Variants in CBX5 observed in about 807,000 individuals in gnomAD.
The protein encoded by CBX5 is chromobox protein homolog 5.
CBX5 carries 7 observed loss-of-function variants against 20.7 expected under a neutral mutation model. That is an observed-to-expected ratio of 0.34 (90% CI 0.19 to 0.63). CBX5 has a LOEUF of 0.63. CBX5 is among the 30% of genes least tolerant of loss of function. The pLI is 0.75. For synonymous variants in CBX5, 78 were observed against 77.0 expected, an observed-to-expected ratio of 1.01 and a Z score of -0.07; for missense variants, 110 against 224.1, an observed-to-expected ratio of 0.49 and a Z score of 3.25.
intron 1 of CBX5, among the ~76,000 whole-genome samples, chr12:54,277,501 A>G (rs1300868031): frequency 6.6e-6 from 1 of 151,934 alleles, no homozygotes; most frequent in African/African-American, 2.4e-5. Context: ...CACCACGCTC[A>G]GCCCAATTTT....
chr12:54,278,135 T>C (rs942723578), intron 1 of CBX5, among the ~76,000 whole-genome samples: 2 of 152,234 alleles, frequency 1.3e-5, no homozygotes, highest in African/African-American at 4.8e-5. Context: ...TGGCGAGTGA[T>C]GCGATGTTAC....
intron 3 of CBX5, among the ~76,000 whole-genome samples, chr12:54,247,009 A>C (rs1346030658): frequency 2.6e-5 from 4 of 152,142 alleles, no homozygotes; most frequent in Admixed American, 6.5e-5. Flanking sequence ...GTTTACCTTA[A>C]CACTAAACAA....
intron 2 of CBX5, among the ~76,000 whole-genome samples, chr12:54,254,251 AC>A (rs1051574479): frequency 6.8e-6 from 1 of 147,296 alleles, no homozygotes; most frequent in African/African-American, 2.5e-5. Context: ...GATCACTTGA[AC>A]CCGGGAGGCA....
chr12:54,248,291 A>G (rs1221971021), intron 3 of CBX5, among the ~76,000 whole-genome samples: 1 of 152,200 alleles, frequency 6.6e-6, no homozygotes, highest in African/African-American at 2.4e-5. Context: ...ACCCGGCCCA[A>G]ACTAGGTAAT....
rs553191269 is a variant in CBX5, at chr12:54,249,375, G to GA, written c.324+2665dup. 7.7e-3 allele frequency among the ~76,000 whole-genome samples: 1,021 copies of GA among 132,254 alleles called. 12 individuals are homozygous for GA. Among genetic ancestry groups the GA allele is most frequent in the African/African-American group, 0.025 (890 of 36,304 alleles). The allele number at this position is 132,254 out of a possible 152,430, so 86.8% of individuals were successfully genotyped here. ...GTGAGACTATGTCTCAAAAAAAAAA[G>GA]AAAAAAAAAAAATTCTAATTTTACT... On this transcript the variant is annotated intron_variant, in intron 3 of 4. Transcript: ENST00000209875.
intron 3 of CBX5, among the ~76,000 whole-genome samples, chr12:54,248,668 C>A (rs1943762230): frequency 6.6e-6 from 1 of 152,110 alleles, no homozygotes; most frequent in Non-Finnish European, 1.5e-5. Flanking sequence ...TCATAACTGG[C>A]AACTGAAAAC....
intron 3 of CBX5, among the ~76,000 whole-genome samples, chr12:54,247,225 TGAAAACAAAAACAAACAAAAAA>T (rs1392964651): frequency 1.4e-5 from 2 of 148,070 alleles, no homozygotes; most frequent in Admixed American, 1.4e-4. Flanking sequence ...GGACTGTGAC[TGAAAACAAAAACAAACAAAAAA>T]GAAAACAAAA....
At chr12:54,268,353 C>T (rs1259254477) in intron 1 of CBX5, among the ~76,000 whole-genome samples, 1 of 152,096 alleles carries the variant, frequency 6.6e-6, no homozygotes, top group Admixed American at 6.5e-5. Context: ...AGTTACTATG[C>T]CACAATATCA....
chr12:54,264,542 CTTA>C (rs1384491619), intron 1 of CBX5, among the ~76,000 whole-genome samples: 1 of 152,172 alleles, frequency 6.6e-6, no homozygotes, highest in Non-Finnish European at 1.5e-5. Context: ...AAGCTTTCTT[CTTA>C]TTAAGAATGA....
At position 54,251,948 on chromosome 12, in the gene CBX5, C is replaced by A. The variant is rs1180304230; in HGVS notation, c.324+93G>T. The stretch of plus-strand genomic sequence containing the variant: ...AATTTACCTTATAGGTCCATCCTTA[C>A]AATAGAAATAACCAAAATATGATAC... On this transcript the variant is annotated intron_variant, in intron 3 of 4. Coordinates refer to ENST00000209875, the MANE Select transcript of CBX5 (RefSeq NM_012117.3). 2.6e-6 allele frequency: 3 copies of A among 1,155,894 alleles called. No individual in the cohort carries two copies. The East Asian group carries it at 8.0e-5, about 31-fold the overall frequency. The allele number at this position is 1,155,894 out of a possible 1,614,324, so 71.6% of individuals were successfully genotyped here.
intron 1 of CBX5, among the ~76,000 whole-genome samples, chr12:54,260,387 G>A (rs1191159605): frequency 6.6e-6 from 1 of 152,102 alleles, no homozygotes; most frequent in African/African-American, 2.4e-5. Context: ...CAGCTCCTCA[G>A]GGGGCTGAGG....
intron 1 of CBX5, among the ~76,000 whole-genome samples, chr12:54,265,766 G>A (rs1162059653): frequency 6.6e-6 from 1 of 152,182 alleles, no homozygotes; most frequent in Admixed American, 6.5e-5. Context: ...CAAGAGGCTG[G>A]GCACAACGGC....
chr12:54,256,002 C>T (rs1182884330), intron 2 of CBX5: 3 of 152,170 alleles, frequency 2.0e-5, no homozygotes, highest in Non-Finnish European at 2.9e-5. Flanking sequence ...ATAGACAATG[C>T]TGATTTGTTC....
At chr12:54,261,979 G>C (rs1943918768) in intron 1 of CBX5, among the ~76,000 whole-genome samples, 1 of 152,172 alleles carries the variant, frequency 6.6e-6, no homozygotes, top group Admixed American at 6.5e-5. Flanking sequence ...AAATTCCTAA[G>C]CTAGTAAACC....
chr12:54,260,870 G>A (rs1325478902), intron 1 of CBX5, among the ~76,000 whole-genome samples: 1 of 152,066 alleles, frequency 6.6e-6, no homozygotes, highest in African/African-American at 2.4e-5. Context: ...CCATAGGAGA[G>A]TAAGAAAAAG....
chr12:54,261,519 T>C (rs1943915907), intron 1 of CBX5, among the ~76,000 whole-genome samples: 1 of 152,122 alleles, frequency 6.6e-6, no homozygotes, highest in Non-Finnish European at 1.5e-5. Context: ...ATGGTCTCGA[T>C]TTCCTCATCT....
chr12:54,261,525 C>T (rs1943915960), intron 1 of CBX5, among the ~76,000 whole-genome samples: 1 of 152,000 alleles, frequency 6.6e-6, no homozygotes, highest in Non-Finnish European at 1.5e-5. Context: ...TCGATTTCCT[C>T]ATCTTGTGAT....
chr12:54,253,076 G>A (rs1420741196), intron 2 of CBX5, among the ~76,000 whole-genome samples: 1 of 151,932 alleles, frequency 6.6e-6, no homozygotes, highest in Non-Finnish European at 1.5e-5. Flanking sequence ...GAATTTTGGG[G>A]GACACAAAAA....
chr12:54,263,131 C>T (rs1237048193), intron 1 of CBX5, among the ~76,000 whole-genome samples: 4 of 152,208 alleles, frequency 2.6e-5, no homozygotes, highest in East Asian at 1.9e-4. Flanking sequence ...TAGGCCGAGG[C>T]GGGCAGATCT....
Sources: gnomAD v4.1 joint callset for allele counts (sites outside exome capture counted in the v4.1 genomes callset) on GRCh38, gnomAD v4.1.1 for gene constraint, MANE v1.5 for transcripts, NCBI Gene and HGNC (gene_info 2026-07-23, HGNC 2026-07-21) for gene names.